The following PIGZ variants were observed in gnomAD, a reference collection of about 807,000 sequenced individuals.
PIGZ encodes GPI alpha-1,2-mannosyltransferase 4.
In PIGZ, 16 loss-of-function variants were observed where a neutral mutation model predicts 16.4. The ratio of observed to expected loss-of-function variants is 0.97; its 90% CI spans 0.66 to 1.48. The LOEUF (loss-of-function observed/expected upper bound fraction) is 1.48. Among genes scored for constraint, PIGZ ranks in the 40% most tolerant of loss-of-function variants. The probability of loss-of-function intolerance (pLI) is 0.00; values close to 1 mark genes in which losing one functional copy is unlikely to be tolerated. For synonymous variants in PIGZ, 409 were observed against 338.4 expected (o/e 1.21, Z -2.29); for missense variants, 770 against 739.2 (o/e 1.04, Z -0.48).
intron 1 of PIGZ, among the ~76,000 whole-genome samples, chr3:196,953,902 A>T (rs1169357380): frequency 1.3e-5 from 2 of 151,932 alleles, no homozygotes; most frequent in African/African-American, 4.8e-5. Context: ...CTGAGACAAG[A>T]GGATCACTTG....
intron 1 of PIGZ, among the ~76,000 whole-genome samples, chr3:196,956,883 G>A (rs1717509369): frequency 6.6e-6 from 1 of 152,084 alleles, no homozygotes; most frequent in South Asian, 2.1e-4. Context: ...CATACTTGTT[G>A]GATATACTAG....
rs1423751437 is a variant in PIGZ at position 196,948,572 on chromosome 3, G to A, written c.325C>T (p.Leu109Phe). The change falls in exon 3 of 3, where the codon CTC becomes TTC. Residue 109 changes from leucine to phenylalanine, a missense_variant. Coordinates refer to ENST00000412723, the MANE Select transcript of PIGZ (RefSeq NM_025163.4). ...ISGSTFWLLR[L>F]WEELGPWPGL... Reference sequence around the variant, plus strand: ...GGCCACGGCCCCAGCTCCTCCCAGAGCCTGAGCAGCCAGAAGGTGGAACCA... The same window carrying A: ...GGCCACGGCCCCAGCTCCTCCCAGAACCTGAGCAGCCAGAAGGTGGAACCA... The A allele has an allele frequency of 1.3e-6, 2 of 1,591,476 alleles. No homozygotes were observed. The highest frequency in any genetic ancestry group is 1.8e-5 in the Admixed American group (1 of 56,116).
chr3:196,955,522 T>C (rs898808272), intron 1 of PIGZ, among the ~76,000 whole-genome samples: 2 of 151,832 alleles, frequency 1.3e-5, no homozygotes, highest in East Asian at 3.8e-4. Flanking sequence ...TTTTGGAAAC[T>C]TAGTATTTAC....
At position 196,963,928 on chromosome 3, in the gene PIGZ, T is replaced by C. The variant is rs140820395; in HGVS notation, c.-1+4759A>G. 4.1e-3 allele frequency among the ~76,000 whole-genome samples: 618 copies of C among 152,382 alleles called. 6 individuals carry two copies. Among genetic ancestry groups the C allele is most frequent in the African/African-American group, 0.014 (572 of 41,598 alleles). ...TTATTCTCATGGTTTCCATTTCTAC[T>C]TGATGCCTTCTGAAATTGCTTCTTT... On this transcript the variant is annotated intron_variant, in intron 1 of 2. Coordinates refer to ENST00000412723, the MANE Select transcript of PIGZ (RefSeq NM_025163.4).
chr3:196,961,664 G>A (rs1368591170), intron 1 of PIGZ, among the ~76,000 whole-genome samples: 1 of 152,156 alleles, frequency 6.6e-6, no homozygotes, highest in African/African-American at 2.4e-5. Context: ...CCGCTTCTCA[G>A]GTCAGCCTTG....
At chr3:196,955,014 C>T (rs552689673) in intron 1 of PIGZ, among the ~76,000 whole-genome samples, 1 of 152,252 alleles carries the variant, frequency 6.6e-6, no homozygotes, top group South Asian at 2.1e-4. Flanking sequence ...TAGCCTCGAC[C>T]TCCTGGGATC....
At chr3:196,966,382 C>T (rs942311452) in intron 1 of PIGZ, among the ~76,000 whole-genome samples, 1 of 152,262 alleles carries the variant, frequency 6.6e-6, no homozygotes, top group Non-Finnish European at 1.5e-5. Context: ...CTTTATCCAT[C>T]TTGCTTAACT....
chr3:196,968,150 G>A (rs1289440086), intron 1 of PIGZ, among the ~76,000 whole-genome samples: 2 of 152,216 alleles, frequency 1.3e-5, no homozygotes, highest in Non-Finnish European at 2.9e-5. Flanking sequence ...CCACCCCTGG[G>A]GCAGGAGGCC....
chr3:196,961,970 C>A (rs140717113), intron 1 of PIGZ, among the ~76,000 whole-genome samples: 2 of 152,282 alleles, frequency 1.3e-5, no homozygotes, highest in African/African-American at 4.8e-5. Context: ...CTCTGGAAAC[C>A]ACTAATCTTC....
At chr3:196,960,687 TGAAAG>T (rs1371749100) in intron 1 of PIGZ, among the ~76,000 whole-genome samples, 13 of 63,248 alleles carry the variant, frequency 2.1e-4, no homozygotes, top group African/African-American at 6.9e-4. Context: ...AGAAAAAAGA[TGAAAG>T]AAAGAAAGAA....
chr3:196,948,057 G>A lies in PIGZ; in HGVS notation c.840C>T (p.Phe280=). Residue 280 remains phenylalanine, a synonymous_variant, in exon 3 of 3, where the codon TTC becomes TTT. Transcript: ENST00000412723. ...GGTTCCTGGATGTAGCGGGGCTGGA[G>A]AAATACCAGCTGTCCGTGGCCACAA... is the stretch of plus-strand genomic sequence containing the variant. ...AVFVATDSWY[F]SSPATSRNLV... 1.3e-6 allele frequency: 2 copies of A among 1,588,832 alleles called. No individual in the cohort carries two copies. Among genetic ancestry groups the A allele is most frequent in the Non-Finnish European group, 1.7e-6 (2 of 1,164,604 alleles).
intron 1 of PIGZ, among the ~76,000 whole-genome samples, chr3:196,960,724 G>C (rs1717680578): frequency 1.9e-5 from 1 of 51,678 alleles, no homozygotes; most frequent in Non-Finnish European, 4.2e-5. Context: ...AGGAAAGAAA[G>C]AAAAGAAAGA....
Position 196,947,429 on chromosome 3 carries a change from T to TC in PIGZ, c.1467dup (p.Thr490AspfsTer2), listed in dbSNP as rs759867499. 15 of 1,613,446 alleles carry TC rather than the reference T, an allele frequency of 9.3e-6. No homozygotes were observed. Among genetic ancestry groups the TC allele is most frequent in the African/African-American group, 8.0e-5 (6 of 74,962 alleles). ...GTTTGGCACAGGGCCCAGTCCTCAG[T>TC]CCCCCCCATGTCCACCACCTCCACT... On this transcript the variant is annotated frameshift_variant, in exon 3 of 3. Transcript: ENST00000412723. LOFTEE classifies it high-confidence loss of function.
At chr3:196,949,891 T>A (rs1178469904) in intron 2 of PIGZ, among the ~76,000 whole-genome samples, 1 of 152,100 alleles carries the variant, frequency 6.6e-6, no homozygotes, top group Non-Finnish European at 1.5e-5. Context: ...TCTCTGATAA[T>A]GATTGTTATC....
At chr3:196,966,219 C>T (rs558946120) in intron 1 of PIGZ, among the ~76,000 whole-genome samples, 48 of 152,316 alleles carry the variant, frequency 3.2e-4, no homozygotes, top group African/African-American at 9.9e-4. Flanking sequence ...TCAGGTAACC[C>T]GGTTCAAGTC....
intron 2 of PIGZ, among the ~76,000 whole-genome samples, chr3:196,949,779 G>A (rs929157420): frequency 5.9e-5 from 9 of 152,058 alleles, no homozygotes; most frequent in East Asian, 3.9e-4. Context: ...TGTGGGAGGC[G>A]GGCAGGTGGG....
chr3:196,950,477 G>C (rs562351289), intron 2 of PIGZ, among the ~76,000 whole-genome samples: 57 of 152,242 alleles, frequency 3.7e-4, no homozygotes, highest in African/African-American at 1.3e-3. Flanking sequence ...TGGCTGTTTC[G>C]AGCTGATCAT....
At chr3:196,955,155 C>A (rs546768781) in intron 1 of PIGZ, among the ~76,000 whole-genome samples, 2 of 152,152 alleles carry the variant, frequency 1.3e-5, no homozygotes, top group African/African-American at 2.4e-5. Flanking sequence ...TGACCTCCTG[C>A]GTTCAAGCAA....
At position 196,948,039 on chromosome 3, in the gene PIGZ, G is replaced by A; in HGVS notation, c.858C>T (p.Ser286=). 1 of 1,593,136 alleles carries A rather than the reference G, an allele frequency of 6.3e-7. No homozygotes were observed. The highest frequency in any genetic ancestry group is 8.6e-7 in the Non-Finnish European group (1 of 1,167,096). The change falls in exon 3 of 3, where the codon TCC becomes TCT. Residue 286 remains serine (S), a synonymous_variant. Transcript: ENST00000412723. ...DSWYFSSPAT[S]RNLVLTPVNF... ...TGACAGGTGTCAGGACAAGGTTCCT[G>A]GATGTAGCGGGGCTGGAGAAATACC...
Sources: gnomAD v4.1 joint callset for allele counts (sites outside exome capture counted in the v4.1 genomes callset) on GRCh38, gnomAD v4.1.1 for gene constraint, MANE v1.5 for transcripts, NCBI Gene and HGNC (gene_info 2026-07-23, HGNC 2026-07-21) for gene names.